Variants in OSBPL9 observed in about 807,000 individuals in gnomAD.
The protein encoded by OSBPL9 is oxysterol-binding protein-related protein 9.
In OSBPL9, 40 loss-of-function variants were observed where a neutral mutation model predicts 106.6. The observed-to-expected ratio is 0.38, with a 90% CI of 0.29 to 0.49. OSBPL9 has a LOEUF of 0.49. Ranked by LOEUF, OSBPL9 falls within the 20% of genes least tolerant of loss-of-function variation. The probability of loss-of-function intolerance (pLI) is 0.97; values close to 1 mark genes in which losing one functional copy is unlikely to be tolerated. For synonymous variants in OSBPL9, 269 were observed against 295.4 expected (o/e 0.91, Z 0.92); for missense variants, 609 against 887.2 (o/e 0.69, Z 3.98).
chr1:51,622,598 C>G (rs755298416), intron 1 of OSBPL9, among the ~76,000 whole-genome samples: 2 of 152,298 alleles, frequency 1.3e-5, no homozygotes, highest in Non-Finnish European at 2.9e-5. Context: ...TCAGCTTCCA[C>G]GATGACTCAC....
At chr1:51,606,900 A>T (rs957894422) in intron 2 of OSBPL9, among the ~76,000 whole-genome samples, 2 of 151,970 alleles carry the variant, frequency 1.3e-5, no homozygotes, top group South Asian at 4.2e-4. Context: ...TACAAAAAAA[A>T]TTAGCCGGGC....
At chr1:51,599,761 A>G (rs1645318473) in intron 2 of OSBPL9, among the ~76,000 whole-genome samples, 2 of 152,206 alleles carry the variant, frequency 1.3e-5, no homozygotes, top group South Asian at 4.1e-4. Context: ...TTAATTATTC[A>G]CTTGTCTTAG....
At chr1:51,739,612 C>G (rs1346425611) in intron 4 of OSBPL9, among the ~76,000 whole-genome samples, 1 of 151,936 alleles carries the variant, frequency 6.6e-6, no homozygotes, top group Non-Finnish European at 1.5e-5. Flanking sequence ...ATACTAGGCT[C>G]AATTTTATGG....
chr1:51,636,149 C>CG (rs1645425850), intron 1 of OSBPL9, among the ~76,000 whole-genome samples: 1 of 114,784 alleles, frequency 8.7e-6, no homozygotes, highest in Admixed American at 9.2e-5. Context: ...CTCTCTCTCT[C>CG]TTGTTTTTTT....
At chr1:51,706,527 T>C (rs1320287855) in intron 3 of OSBPL9, among the ~76,000 whole-genome samples, 1 of 152,096 alleles carries the variant, frequency 6.6e-6, no homozygotes, top group Non-Finnish European at 1.5e-5. Context: ...TTAGTTATTT[T>C]TAGGTAACCA....
chr1:51,774,506 T>G (rs1489108907), intron 14 of OSBPL9, among the ~76,000 whole-genome samples: 1 of 152,244 alleles, frequency 6.6e-6, no homozygotes, highest in Non-Finnish European at 1.5e-5. Context: ...GTTTTCTCAC[T>G]TCAGATACTT....
chr1:51,762,267 T>G (rs906517956), intron 11 of OSBPL9, among the ~76,000 whole-genome samples: 2 of 152,132 alleles, frequency 1.3e-5, no homozygotes, highest in Non-Finnish European at 2.9e-5. Context: ...CACTGTAGTT[T>G]TGACCTCCCA....
the OSBPL9 span, among the ~76,000 whole-genome samples, chr1:51,527,333 A>ATGG: frequency 8.8e-6 from 1 of 114,162 alleles, no homozygotes; most frequent in Non-Finnish European, 1.8e-5. Flanking sequence ...GATGATGGTG[A>ATGG]TGATGATGAT....
intron 15 of OSBPL9, among the ~76,000 whole-genome samples, chr1:51,777,989 CA>C (rs953746498): frequency 2.6e-5 from 4 of 151,426 alleles, no homozygotes; most frequent in African/African-American, 4.8e-5. Context: ...CCTGTCCCTA[CA>C]AAAAAAAATT....
upstream of OSBPL9, among the ~76,000 whole-genome samples, chr1:51,615,467 T>A (rs1644030473): frequency 6.6e-6 from 1 of 152,158 alleles, no homozygotes; most frequent in African/African-American, 2.4e-5. Flanking sequence ...TTTTTGTATT[T>A]TATTCCAGTG....
intron 22 of OSBPL9, 64 bp from the exon 23 acceptor site, chr1:51,787,289 T>C: frequency 6.7e-7 from 1 of 1,497,106 alleles, no homozygotes; most frequent in South Asian, 1.1e-5. Flanking sequence ...TATTATACTA[T>C]ATTCAGGATG....
At chr1:51,755,863 A>G (rs1449261752) in intron 8 of OSBPL9, among the ~76,000 whole-genome samples, 1 of 152,052 alleles carries the variant, frequency 6.6e-6, no homozygotes, top group African/African-American at 2.4e-5. Flanking sequence ...CCTACTCTTC[A>G]CCCCATCCAG....
intron 2 of OSBPL9, among the ~76,000 whole-genome samples, chr1:51,598,822 A>T (rs1309230659): frequency 6.6e-6 from 1 of 151,942 alleles, no homozygotes; most frequent in Non-Finnish European, 1.5e-5. Flanking sequence ...GGCGAAACCC[A>T]GTCTCTATTA....
rs560603721 is a variant in OSBPL9, at chr1:51,778,201, C to T, written c.1256+1283C>T. ...TCAAAAGCCAGTAGATAAGATTAAA[C>T]GGAATCATACAAATACTCCATTAAT... On this transcript the variant is annotated intron_variant, in intron 15 of 23. Transcript: ENST00000428468. 3.9e-5 allele frequency among the ~76,000 whole-genome samples: 6 copies of T among 151,966 alleles called. No homozygotes were observed. In the South Asian group the frequency reaches 1.0e-3, roughly 26 times the overall value.
At chr1:51,654,481 A>G (rs1435420430) in intron 2 of OSBPL9, among the ~76,000 whole-genome samples, 1 of 152,200 alleles carries the variant, frequency 6.6e-6, no homozygotes, top group Non-Finnish European at 1.5e-5. Context: ...GGCTTCAAAA[A>G]CAACCACTTA....
chr1:51,546,147 C>G, the OSBPL9 span, among the ~76,000 whole-genome samples: 9 of 152,004 alleles, frequency 5.9e-5, no homozygotes, highest in Non-Finnish European at 8.8e-5. Context: ...CCCCAAGTAG[C>G]TGGGACTACA....
chr1:51,749,181 G>A (rs1668696925), intron 7 of OSBPL9, among the ~76,000 whole-genome samples: 1 of 151,994 alleles, frequency 6.6e-6, no homozygotes, highest in Non-Finnish European at 1.5e-5. Flanking sequence ...CTGATATAGT[G>A]GACTTCTGAC....
At chr1:51,692,433 A>G (rs550488804) in intron 3 of OSBPL9, among the ~76,000 whole-genome samples, 2 of 152,350 alleles carry the variant, frequency 1.3e-5, no homozygotes, top group East Asian at 3.9e-4. Flanking sequence ...TGTACATGCC[A>G]TACTTTTTTA....
the OSBPL9 span, among the ~76,000 whole-genome samples, chr1:51,529,025 C>T: frequency 1.3e-5 from 2 of 152,118 alleles, no homozygotes; most frequent in Non-Finnish European, 2.9e-5. Flanking sequence ...AATGGAAAGA[C>T]TTCTTATGTT....
Sources: allele counts gnomAD v4.1 joint callset (sites outside exome capture counted in the v4.1 genomes callset), GRCh38; gene constraint gnomAD v4.1.1; transcripts MANE v1.5; gene names NCBI Gene and HGNC (gene_info 2026-07-23, HGNC 2026-07-21).